Variants in MTAP observed in about 807,000 individuals in gnomAD.
MTAP encodes S-methyl-5'-thioadenosine phosphorylase.
MTAP carries 33 observed loss-of-function variants against 33.6 expected under a neutral mutation model. The observed-to-expected ratio is 0.98, with a 90% confidence interval of 0.74 to 1.31. MTAP has a LOEUF of 1.31. Among genes scored for constraint, MTAP ranks in the 40% most tolerant of loss-of-function variants. The pLI is 0.00. For missense variants in MTAP, 367 were observed against 360.0 expected, an observed-to-expected ratio of 1.02 and a Z score of -0.16; for synonymous variants, 148 against 125.7, an observed-to-expected ratio of 1.18 and a Z score of -1.19.
chr9:21,821,951 T>C (rs1174373938), intron 4 of MTAP, among the ~76,000 whole-genome samples: 1 of 152,258 alleles, frequency 6.6e-6, no homozygotes, highest in Admixed American at 6.5e-5. Flanking sequence ...TGGTAGTTTG[T>C]ATTTCTGTGG....
chr9:21,803,218 C>G (rs1824111350), intron 1 of MTAP: 1 of 340,226 alleles, frequency 2.9e-6, no homozygotes, highest in African/African-American at 2.1e-5. Context: ...CTGTGACCGT[C>G]TCCTGGTGCC....
chr9:21,886,768 A>G (rs4352938), intron 1 of MTAP, among the ~76,000 whole-genome samples: 37,438 of 152,038 alleles, frequency 0.25, 4,893 homozygotes, highest in East Asian at 0.41. Context: ...TTATTTCTGG[A>G]TACTCTATTC....
Position 21,865,181 on chromosome 9 carries a change from G to A in MTAP, c.*3167G>A, listed in dbSNP as rs1825833476. 1.4e-6 allele frequency: 1 copy of A among 732,522 alleles called. No individual in the cohort carries two copies. The highest frequency in any genetic ancestry group is 1.9e-5 in the African/African-American group (1 of 52,248). 45.4% of individuals were successfully genotyped at this position (732,522 alleles called of 1,614,324 possible). ...TGGGAGGTAATTAAATCATGGGGGT[G>A]GTTACCCCCACACTGCTGTTCTCAT... is the stretch of plus-strand genomic sequence containing the variant. On this transcript the variant is annotated 3_prime_UTR_variant, in exon 8 of 8. Transcript: ENST00000644715.
At chr9:21,856,280 T>C in intron 6 of MTAP, 1 of 608,644 alleles carries the variant, frequency 1.6e-6, no homozygotes, top group Non-Finnish European at 2.1e-6. Flanking sequence ...AGAGTTTGTT[T>C]TACTATCTAA....
intron 1 of MTAP, among the ~76,000 whole-genome samples, chr9:21,896,320 TAAAAG>T (rs1587281979): frequency 6.6e-6 from 1 of 152,018 alleles, no homozygotes. Flanking sequence ...ACATCACAAT[TAAAAG>T]AACTAGAGAA....
intron 1 of MTAP, among the ~76,000 whole-genome samples, chr9:21,887,637 T>C (rs1818134709): frequency 6.6e-6 from 1 of 152,224 alleles, no homozygotes; most frequent in Non-Finnish European, 1.5e-5. Flanking sequence ...AGTAATGGGA[T>C]GGCTGGGTCA....
At chr9:21,926,395 A>G (rs935506919) in intron 1 of MTAP, among the ~76,000 whole-genome samples, 1 of 152,224 alleles carries the variant, frequency 6.6e-6, no homozygotes, top group Admixed American at 6.5e-5. Flanking sequence ...TGCAAATCAT[A>G]AATGAGGCAG....
chr9:21,812,974 A>G (rs543364314), intron 1 of MTAP, among the ~76,000 whole-genome samples: 19 of 152,342 alleles, frequency 1.2e-4, no homozygotes, highest in East Asian at 9.6e-4. Context: ...GGTCCTGATG[A>G]TGAAATAAGG....
In MTAP at chr9:21,922,594, C is replaced by T. The variant is rs1168027903; in HGVS notation, c.148-8414C>T. ...ATACAGATTCACTGCTGCTAACATA[C>T]TTTGATGCCACATGGCTTGGATACG... On this transcript the variant is annotated intron_variant, in intron 1 of 1. Transcript: ENST00000577563. This position sits in a 1 kb window ranked among gnomAD's most constrained non-coding sequence, Gnocchi z 4.8. Among the ~76,000 whole-genome samples the T allele has an allele frequency of 2.6e-5, 4 of 152,208 alleles. No individual in the cohort carries two copies. Among genetic ancestry groups the T allele is most frequent in the Non-Finnish European group, 5.9e-5 (4 of 68,038 alleles).
At chr9:21,839,892 A>G (rs1825200211) in intron 5 of MTAP, among the ~76,000 whole-genome samples, 1 of 152,230 alleles carries the variant, frequency 6.6e-6, no homozygotes, top group Non-Finnish European at 1.5e-5. Context: ...TGGAAAGTTA[A>G]CAAAAAAAGC....
At chr9:21,842,631 C>G (rs10120029) in intron 5 of MTAP, among the ~76,000 whole-genome samples, 1 of 152,156 alleles carries the variant, frequency 6.6e-6, no homozygotes, top group Non-Finnish European at 1.5e-5. Flanking sequence ...AAATTATTCT[C>G]AGCCAAGAAT....
intron 1 of MTAP, 158 bp downstream of exon 1, chr9:21,802,939 C>T: frequency 7.1e-7 from 1 of 1,414,392 alleles, no homozygotes; most frequent in Non-Finnish European, 9.1e-7. Context: ...TCACTTGCCG[C>T]GCGAGGAGAG....
At chr9:21,845,688 A>T (rs1825362352) in intron 5 of MTAP, among the ~76,000 whole-genome samples, 1 of 152,160 alleles carries the variant, frequency 6.6e-6, no homozygotes, top group Non-Finnish European at 1.5e-5. Flanking sequence ...TATTTCTGCC[A>T]AAAGCAATCC....
chr9:21,911,180 T>A (rs1056017722), intron 1 of MTAP, among the ~76,000 whole-genome samples: 1 of 152,120 alleles, frequency 6.6e-6, no homozygotes, highest in African/African-American at 2.4e-5. Flanking sequence ...ACAGTAATAA[T>A]GGGAGACTTT....
chr9:21,864,081 A>G lies in MTAP; in HGVS notation c.*2067A>G, dbSNP rs1775025278. On this transcript the variant is annotated 3_prime_UTR_variant, in exon 8 of 8. Coordinates refer to ENST00000644715, the MANE Select transcript of MTAP (RefSeq NM_002451.4). ...TTTTCCTCATTCTTAATAGGTGTCT[A>G]AGAATGTCAGGGCAAAAGTATGGGC... The G allele has an allele frequency of 2.0e-6, 2 of 985,460 alleles. No homozygotes were observed. The highest frequency in any genetic ancestry group is 4.7e-5 in the South Asian group (1 of 21,286). 61.0% of individuals were successfully genotyped at this position (985,460 alleles called of 1,614,324 possible).
intron 1 of MTAP, among the ~76,000 whole-genome samples, chr9:21,917,048 G>A (rs990251739): frequency 6.6e-6 from 1 of 152,146 alleles, no homozygotes; most frequent in South Asian, 2.1e-4. Flanking sequence ...ATTGAATGTA[G>A]GTTTTGAGGG....
chr9:21,896,499 TAAA>T (rs1818295132), intron 1 of MTAP, among the ~76,000 whole-genome samples: 1 of 151,364 alleles, frequency 6.6e-6, no homozygotes, highest in East Asian at 1.9e-4. Context: ...GCAAGACTAA[TAAA>T]GAAGAAAAGA....
At chr9:21,911,532 G>T (rs1818576543) in intron 1 of MTAP, among the ~76,000 whole-genome samples, 1 of 152,116 alleles carries the variant, frequency 6.6e-6, no homozygotes, top group Non-Finnish European at 1.5e-5. Context: ...AATGACTACT[G>T]GGTACATAAC....
In MTAP at chr9:21,931,002, C is replaced by G. The variant is rs755275807; in HGVS notation, c.148-6C>G. On this transcript the variant is annotated splice_region_variant and splice_polypyrimidine_tract_variant and intron_variant, in intron 1 of 1. Transcript: ENST00000577563. Reference sequence around the variant, plus strand: ...ACCCAATTTGTCTCCTTTCTCTCACCTTTAGATGATCAAGTTCCAGATGAT... The same window carrying G: ...ACCCAATTTGTCTCCTTTCTCTCACGTTTAGATGATCAAGTTCCAGATGAT... The G allele has an allele frequency of 1.5e-4, 116 of 762,212 alleles. 1 individual carries two copies. The Admixed American group carries it at 1.9e-3, about 13-fold the overall frequency. 47.2% of individuals were successfully genotyped at this position (762,212 alleles called of 1,614,324 possible).
Sources: allele counts gnomAD v4.1 joint callset (sites outside exome capture counted in the v4.1 genomes callset), GRCh38; gene constraint gnomAD v4.1.1; non-coding constraint Gnocchi (gnomAD v3.1); transcripts MANE v1.5; gene names NCBI Gene and HGNC (gene_info 2026-07-23, HGNC 2026-07-21).